The following NAALADL2 variants were observed in gnomAD, a reference collection of about 807,000 sequenced individuals.
The protein encoded by NAALADL2 is N-acetylated alpha-linked acidic dipeptidase like 2.
In NAALADL2, 76 loss-of-function variants were observed where a neutral mutation model predicts 87.2. That is an observed-to-expected ratio of 0.87 (90% confidence interval 0.72 to 1.05). NAALADL2 has a LOEUF of 1.05. Ranked by LOEUF, NAALADL2 falls within the 50% of genes least tolerant of loss-of-function variation. The probability of loss-of-function intolerance (pLI) is 0.00; values close to 1 mark genes in which losing one functional copy is unlikely to be tolerated. For synonymous variants in NAALADL2, 354 were observed against 331.0 expected, an observed-to-expected ratio of 1.07 and a Z score of -0.75; for missense variants, 1,089 against 945.8, an observed-to-expected ratio of 1.15 and a Z score of -1.99.
chr3:174,776,026 A>G (rs558737861), intron 3 of NAALADL2, among the ~76,000 whole-genome samples: 1 of 152,286 alleles, frequency 6.6e-6, no homozygotes, highest in South Asian at 2.1e-4. Flanking sequence ...TCTTTCCCAC[A>G]GCAGTTTTTT....
At chr3:174,882,618 T>C (rs914467992) in intron 1 of NAALADL2, among the ~76,000 whole-genome samples, 1 of 148,474 alleles carries the variant, frequency 6.7e-6, no homozygotes, top group South Asian at 2.2e-4. Context: ...TATGTGCATA[T>C]GCATATATGT....
intron 1 of NAALADL2, among the ~76,000 whole-genome samples, chr3:174,462,586 C>T (rs550540490): frequency 1.3e-5 from 2 of 152,030 alleles, no homozygotes; most frequent in South Asian, 2.1e-4. Flanking sequence ...AAGATAGATC[C>T]GGATTCAAAA....
chr3:175,506,747 T>C (rs981822354), intron 9 of NAALADL2, among the ~76,000 whole-genome samples: 5 of 152,220 alleles, frequency 3.3e-5, no homozygotes, highest in Non-Finnish European at 5.9e-5. Flanking sequence ...CTTTTAAATA[T>C]ACTTCATAGA....
upstream of NAALADL2, among the ~76,000 whole-genome samples, chr3:174,855,775 T>TACACACAC (rs10576439): frequency 3.5e-4 from 47 of 135,648 alleles, no homozygotes; most frequent in African/African-American, 7.7e-4. Context: ...AGGAGAGAAA[T>TACACACAC]ACACACACAC....
chr3:175,115,032 T>A (rs1560045149), intron 2 of NAALADL2: 1 of 151,696 alleles, frequency 6.6e-6, no homozygotes, highest in African/African-American at 2.4e-5. Flanking sequence ...CTTATAAACT[T>A]GTTTTTAAAT....
At chr3:175,169,925 G>A (rs777821595) in intron 2 of NAALADL2, among the ~76,000 whole-genome samples, 4 of 150,232 alleles carry the variant, frequency 2.7e-5, no homozygotes, top group Admixed American at 6.6e-5. Context: ...ATATTTCAAA[G>A]CATTTCCTTG....
chr3:174,937,849 C>T (rs181695627), intron 1 of NAALADL2, among the ~76,000 whole-genome samples: 6 of 152,024 alleles, frequency 3.9e-5, no homozygotes, highest in African/African-American at 1.4e-4. Context: ...ATCTGTGTGC[C>T]ATAGACAAAT....
At chr3:175,221,982 A>G (rs940482098) in intron 2 of NAALADL2, among the ~76,000 whole-genome samples, 11 of 151,924 alleles carry the variant, frequency 7.2e-5, no homozygotes, top group African/African-American at 2.7e-4. Flanking sequence ...GGGTTTCACC[A>G]TGTTGCCCAG....
chr3:175,138,198 A>G (rs1281263394), intron 2 of NAALADL2, among the ~76,000 whole-genome samples: 4 of 152,310 alleles, frequency 2.6e-5, no homozygotes, highest in Admixed American at 1.3e-4. Flanking sequence ...GTCAAAAAAG[A>G]GAATGAAGCA....
intron 4 of NAALADL2, among the ~76,000 whole-genome samples, chr3:175,314,714 A>G (rs1758910360): frequency 2.1e-5 from 2 of 94,670 alleles, no homozygotes; most frequent in African/African-American, 3.9e-5. Context: ...ATATATATAT[A>G]TATATATAGT....
chr3:174,629,735 G>A (rs1331669168), intron 2 of NAALADL2, among the ~76,000 whole-genome samples: 1 of 152,092 alleles, frequency 6.6e-6, no homozygotes. Context: ...TTTTCTTGAG[G>A]GGCTTAGCTA....
chr3:175,008,752 C>T (rs1052517245), intron 1 of NAALADL2, among the ~76,000 whole-genome samples: 1 of 106,472 alleles, frequency 9.4e-6, no homozygotes, highest in Non-Finnish European at 1.8e-5. Context: ...ATAGGGTAGG[C>T]TAGGGTTTGG....
chr3:175,425,847 A>G (rs1268165514), intron 5 of NAALADL2, among the ~76,000 whole-genome samples: 1 of 152,186 alleles, frequency 6.6e-6, no homozygotes, highest in Non-Finnish European at 1.5e-5. Flanking sequence ...GAATATAAAT[A>G]TATTTAAGTA....
intron 2 of NAALADL2, among the ~76,000 whole-genome samples, chr3:175,138,875 T>G (rs866996742): frequency 2.5e-4 from 33 of 129,808 alleles, no homozygotes; most frequent in African/African-American, 1.0e-3. Flanking sequence ...AAAAAAAATT[T>G]CAGCCTTTTA....
At chr3:174,736,124 A>T (rs1228875758) in intron 2 of NAALADL2, among the ~76,000 whole-genome samples, 1 of 152,124 alleles carries the variant, frequency 6.6e-6, no homozygotes, top group East Asian at 1.9e-4. Context: ...TGGAGATACC[A>T]GGAACCTCAG....
At chr3:175,255,598 A>G (rs1749791622) in intron 3 of NAALADL2, among the ~76,000 whole-genome samples, 2 of 152,216 alleles carry the variant, frequency 1.3e-5, no homozygotes, top group African/African-American at 4.8e-5. Context: ...AGTAAAGCTA[A>G]AATCAATCGT....
intron 1 of NAALADL2, among the ~76,000 whole-genome samples, chr3:174,988,479 G>T (rs1746275366): frequency 6.6e-6 from 1 of 152,156 alleles, no homozygotes; most frequent in African/African-American, 2.4e-5. Flanking sequence ...TAATCATTCA[G>T]CCAATGTATT....
chr3:174,761,623 T>A (rs1024076298), intron 3 of NAALADL2, among the ~76,000 whole-genome samples: 39 of 152,156 alleles, frequency 2.6e-4, no homozygotes, highest in African/African-American at 9.2e-4. Context: ...GAAAAATTTT[T>A]TTATTATTAT....
chr3:175,102,221 A>T (rs2862009), intron 2 of NAALADL2, among the ~76,000 whole-genome samples: 4 of 151,996 alleles, frequency 2.6e-5, no homozygotes, highest in Non-Finnish European at 4.4e-5. Context: ...CATAAATCCA[A>T]TTGTGCCTAT....
Sources: gnomAD v4.1 joint callset for allele counts (sites outside exome capture counted in the v4.1 genomes callset) on GRCh38, gnomAD v4.1.1 for gene constraint, MANE v1.5 for transcripts, NCBI Gene and HGNC (gene_info 2026-07-23, HGNC 2026-07-21) for gene names.